Variants in HMGXB4 observed in about 807,000 individuals in gnomAD.
The protein encoded by HMGXB4 is HMG domain-containing protein 4.
HMGXB4 carries 27 observed loss-of-function variants against 63.9 expected under a neutral mutation model. That is an observed-to-expected ratio of 0.42 (90% CI 0.31 to 0.58). The LOEUF (loss-of-function observed/expected upper bound fraction) is 0.58, where lower values mean the gene tolerates loss of function less well. Ranked by LOEUF, HMGXB4 falls within the 20% of genes least tolerant of loss-of-function variation. The probability of loss-of-function intolerance (pLI) is 0.13; values close to 1 mark genes in which losing one functional copy is unlikely to be tolerated. For synonymous variants in HMGXB4, 264 were observed against 265.3 expected (o/e 0.99, Z 0.05); for missense variants, 624 against 700.7 (o/e 0.89, Z 1.24).
chr22:35,252,686 T>C (rs1210596730), upstream of HMGXB4, among the ~76,000 whole-genome samples: 1 of 152,124 alleles, frequency 6.6e-6, no homozygotes, highest in African/African-American at 2.4e-5. Context: ...GCAAAAGTGG[T>C]GGAGTGTGGG....
Position 35,275,232 on chromosome 22 carries a change from G to A in HMGXB4, c.1216-8730G>A, listed in dbSNP as rs141341785. Among the ~76,000 whole-genome samples the A allele has an allele frequency of 3.3e-3, 465 of 142,396 alleles. 2 individuals are homozygous for A. Among genetic ancestry groups the A allele is most frequent in the African/African-American group, 0.012 (447 of 37,538 alleles). 93.4% of individuals were successfully genotyped at this position (142,396 alleles called of 152,430 possible). A position where few individuals can be genotyped will look rare whatever the true frequency, so the allele number is the denominator to read the frequency against. ...CCTCCCGGGTTTAAGTGATTCTCCT[G>A]CCTCACCCTCCCAGGTAGCTGGAAT... On this transcript the variant is annotated intron_variant, in intron 5 of 10. Coordinates refer to ENST00000216106, the MANE Select transcript of HMGXB4 (RefSeq NM_001003681.3).
At chr22:35,270,498 T>C (rs773595482) in intron 5 of HMGXB4, among the ~76,000 whole-genome samples, 1 of 152,228 alleles carries the variant, frequency 6.6e-6, no homozygotes, top group Non-Finnish European at 1.5e-5. Flanking sequence ...TCCCGAACTC[T>C]GCCCCTACCC....
intron 5 of HMGXB4, among the ~76,000 whole-genome samples, chr22:35,280,060 A>G (rs1282532777): frequency 6.6e-6 from 1 of 152,130 alleles, no homozygotes; most frequent in Non-Finnish European, 1.5e-5. Flanking sequence ...CTCACCTGCT[A>G]TGGTCAGGCC....
At position 35,273,435 on chromosome 22, in the gene HMGXB4, C is replaced by T. The variant is rs546265727; in HGVS notation, c.1215+7832C>T. ...AGGTCTGTTCTCCTGAGATTGCTTT[C>T]TCACTTCTGCTCATTTGTAAATTGG... On this transcript the variant is annotated intron_variant, in intron 5 of 10. Transcript: ENST00000216106. 2.0e-5 allele frequency among the ~76,000 whole-genome samples: 3 copies of T among 152,346 alleles called. No homozygotes were observed. The East Asian group carries it at 5.8e-4, about 29-fold the overall frequency.
the HMGXB4 span, among the ~76,000 whole-genome samples, chr22:35,248,554 G>A: frequency 6.6e-6 from 1 of 151,788 alleles, no homozygotes; most frequent in Non-Finnish European, 1.5e-5. Flanking sequence ...ACAGGCGCTC[G>A]CCACCACACC....
rs1924559605 is a variant in HMGXB4 at position 35,286,070 on chromosome 22, A to G, written c.1362+9A>G. ...CAGAAAAAGACAAACTGGTAAGTACATTTTCTTACAAACATATTTTTCAGT... is the reference window on the plus strand; with the variant it reads ...CAGAAAAAGACAAACTGGTAAGTACGTTTTCTTACAAACATATTTTTCAGT... On this transcript the variant is annotated intron_variant, in intron 7 of 10. Transcript: ENST00000216106. The G allele has an allele frequency of 6.3e-7, 1 of 1,588,706 alleles. No individual in the cohort carries two copies. Among genetic ancestry groups the G allele is most frequent in the Non-Finnish European group, 8.6e-7 (1 of 1,165,046 alleles).
At chr22:35,276,308 TCCAC>T (rs2146421879) in intron 5 of HMGXB4, among the ~76,000 whole-genome samples, 1 of 152,350 alleles carries the variant, frequency 6.6e-6, no homozygotes, top group South Asian at 2.1e-4. Context: ...GATTTTTCTC[TCCAC>T]CACCAGATGA....
At position 35,293,069 on chromosome 22, in the gene HMGXB4, C is replaced by T; in HGVS notation, c.1716C>T (p.Leu572=). The T allele has an allele frequency of 2.5e-6, 4 of 1,614,212 alleles. No homozygotes were observed. The highest frequency in any genetic ancestry group is 3.4e-6 in the Non-Finnish European group (4 of 1,180,042). ...GTGCCCTTGGCCCCTTGGCATGTCT[C>T]ACCACACAACTACCTGAATTGAATG... ...IICALGPLAC[L]TTQLPELNGC... The change falls in exon 10 of 11, where the codon CTC becomes CTT. Residue 572 remains leucine (L), a synonymous_variant. Coordinates refer to ENST00000216106, the MANE Select transcript of HMGXB4 (RefSeq NM_001003681.3).
At chr22:35,252,891 C>T (rs1215304633), upstream of HMGXB4, among the ~76,000 whole-genome samples, 1 of 151,972 alleles carries the variant, frequency 6.6e-6, no homozygotes, top group Non-Finnish European at 1.5e-5. Flanking sequence ...AATCCCAGCT[C>T]GGGAGGCTGA....
At chr22:35,256,428 G>A (rs1922406394), upstream of HMGXB4, among the ~76,000 whole-genome samples, 1 of 152,052 alleles carries the variant, frequency 6.6e-6, no homozygotes, top group African/African-American at 2.4e-5. Flanking sequence ...TCCTCCAGTG[G>A]GAGGGAGCTC....
At chr22:35,254,277 C>G (rs140431041), upstream of HMGXB4, among the ~76,000 whole-genome samples, 4 of 152,330 alleles carry the variant, frequency 2.6e-5, no homozygotes, top group African/African-American at 9.6e-5. Flanking sequence ...TTCTTATTCA[C>G]AAACCCCACC....
rs1314584140 is a variant in HMGXB4 at position 35,295,200 on chromosome 22, C to T, written c.*1549C>T. 1 of 152,252 alleles carries T rather than the reference C, an allele frequency of 6.6e-6. No individual in the cohort carries two copies. The highest frequency in any genetic ancestry group is 1.5e-5 in the Non-Finnish European group (1 of 68,070). 9.4% of individuals were successfully genotyped at this position (152,252 alleles called of 1,614,324 possible). A position where few individuals can be genotyped will look rare whatever the true frequency, so the allele number is the denominator to read the frequency against. On this transcript the variant is annotated 3_prime_UTR_variant, in exon 11 of 11. Transcript: ENST00000216106. ...CTTTGGGGACAGTGTAGCCCATCTG[C>T]ATCCTATTTAATTTCTTCCCTTCTC...
At chr22:35,263,278 TG>T (rs764573201) in intron 3 of HMGXB4, 52 bp downstream of exon 3, 85 of 1,468,082 alleles carry the variant, frequency 5.8e-5, no homozygotes. Flanking sequence ...CATTTTTTTT[TG>T]GTGATGCAGA....
intron 5 of HMGXB4, among the ~76,000 whole-genome samples, chr22:35,281,578 G>A (rs5755685): frequency 0.5 from 75,359 of 151,632 alleles, 22,197 homozygotes; most frequent in Non-Finnish European, 0.65. Flanking sequence ...AGAAAACGTT[G>A]TTAAACACCT....
Position 35,293,005 on chromosome 22 carries a change from TGTC to T in HMGXB4, c.1653_1655del (p.Ser552del). The stretch of plus-strand genomic sequence containing the variant: ...TCTCCTTTTCAGGGTATGGTGGCTG[TGTC>T]TGGCAGTTTGTCAGTGCTTCTGGAT... On this transcript the variant is annotated inframe_deletion, in exon 10 of 11. Transcript: ENST00000216106. 6.2e-7 allele frequency: 1 copy of T among 1,614,256 alleles called. No homozygotes were observed. Among genetic ancestry groups the T allele is most frequent in the Non-Finnish European group, 8.5e-7 (1 of 1,180,030 alleles).
At chr22:35,281,963 C>T (rs1249284090) in intron 5 of HMGXB4, among the ~76,000 whole-genome samples, 1 of 152,148 alleles carries the variant, frequency 6.6e-6, no homozygotes, top group Non-Finnish European at 1.5e-5. Flanking sequence ...CCATCAGCCT[C>T]GGTCTTTGTC....
upstream of HMGXB4, among the ~76,000 whole-genome samples, chr22:35,252,585 G>A (rs963677806): frequency 6.6e-6 from 1 of 152,296 alleles, no homozygotes; most frequent in South Asian, 2.1e-4. Flanking sequence ...TATATGCCAC[G>A]TTTATCTATT....
intron 5 of HMGXB4, among the ~76,000 whole-genome samples, chr22:35,273,854 C>T (rs984175656): frequency 1.3e-5 from 2 of 152,212 alleles, no homozygotes; most frequent in Non-Finnish European, 2.9e-5. Context: ...AGTCCTGTGA[C>T]CTCTCTGCCT....
the HMGXB4 span, among the ~76,000 whole-genome samples, chr22:35,250,888 G>A: frequency 6.6e-6 from 1 of 152,008 alleles, no homozygotes; most frequent in Non-Finnish European, 1.5e-5. Context: ...AGCTACAAAG[G>A]GCCTTTTGAC....
Sources: allele counts gnomAD v4.1 joint callset (sites outside exome capture counted in the v4.1 genomes callset), GRCh38; gene constraint gnomAD v4.1.1; transcripts MANE v1.5; gene names NCBI Gene and HGNC (gene_info 2026-07-23, HGNC 2026-07-21).